The following RORA variants were observed in gnomAD, a reference collection of about 807,000 sequenced individuals.
RORA encodes RAR related orphan receptor A, also known as nuclear receptor ROR-alpha.
A neutral mutation model predicts 69.5 loss-of-function variants in RORA; 7 were observed. That is an observed-to-expected ratio of 0.10 (90% CI 0.06 to 0.19). RORA has a LOEUF of 0.19. Among genes scored for constraint, RORA ranks in the 10% least tolerant of loss-of-function variants. The pLI is 1.00. For synonymous variants in RORA, 261 were observed against 240.8 expected (o/e 1.08, Z -0.78); for missense variants, 457 against 663.0 (o/e 0.69, Z 3.41).
At chr15:60,923,586 T>TA (rs1892114282) in intron 1 of RORA, among the ~76,000 whole-genome samples, 1 of 152,222 alleles carries the variant, frequency 6.6e-6, no homozygotes, top group Non-Finnish European at 1.5e-5. Flanking sequence ...CAAGTCTTTT[T>TA]AAAAAAGGCA....
intron 1 of RORA, among the ~76,000 whole-genome samples, chr15:60,916,056 C>T (rs1286648228): frequency 6.6e-6 from 1 of 152,108 alleles, no homozygotes. Context: ...CTCAAATTGA[C>T]TGGAAGGAAA....
chr15:60,547,242 A>G (rs942065328), intron 2 of RORA, among the ~76,000 whole-genome samples: 27 of 152,110 alleles, frequency 1.8e-4, no homozygotes, highest in Admixed American at 1.8e-3. Flanking sequence ...CATTGCCCCA[A>G]ACTACTTGGA....
intron 1 of RORA, among the ~76,000 whole-genome samples, chr15:61,056,755 G>T (rs956997926): frequency 1.3e-5 from 2 of 152,160 alleles, no homozygotes; most frequent in Non-Finnish European, 2.9e-5. Flanking sequence ...AGAATAGACA[G>T]GGCCTATTTT....
chr15:60,898,524 T>TAAATAAATAAAC (rs1555461069), intron 1 of RORA, among the ~76,000 whole-genome samples: 29 of 150,318 alleles, frequency 1.9e-4, no homozygotes, highest in African/African-American at 6.4e-4. Flanking sequence ...AATAAATAAA[T>TAAATAAATAAAC]AAATAAATAA....
intron 1 of RORA, chr15:60,736,854 G>A (rs2071507625): frequency 1.3e-5 from 2 of 152,184 alleles, no homozygotes; most frequent in African/African-American, 4.8e-5. Flanking sequence ...TACTTCGATA[G>A]GAGAATAAAT....
intron 8 of RORA, among the ~76,000 whole-genome samples, chr15:60,501,312 C>T (rs934919692): frequency 6.6e-6 from 1 of 152,192 alleles, no homozygotes; most frequent in African/African-American, 2.4e-5. Context: ...ACTTCCATCA[C>T]ATCACCATTG....
At chr15:61,032,571 C>T (rs539398656) in intron 1 of RORA, among the ~76,000 whole-genome samples, 10 of 152,168 alleles carry the variant, frequency 6.6e-5, no homozygotes, top group South Asian at 2.1e-4. Context: ...TAATCACACA[C>T]CCAGGTTGGA....
intron 2 of RORA, among the ~76,000 whole-genome samples, chr15:60,533,468 AC>A (rs1274440095): frequency 3.6e-4 from 54 of 151,342 alleles, no homozygotes; most frequent in Non-Finnish European, 6.6e-4. Context: ...ACTTGGCTTG[AC>A]TTCTTCAAGA....
At chr15:60,842,383 G>A (rs62006786) in intron 1 of RORA, among the ~76,000 whole-genome samples, 1 of 151,928 alleles carries the variant, frequency 6.6e-6, no homozygotes, top group African/African-American at 2.4e-5. Flanking sequence ...CTAACTTACT[G>A]TTCAAAGCAT....
chr15:60,657,116 G>A (rs1452486872), intron 2 of RORA, among the ~76,000 whole-genome samples: 2 of 152,172 alleles, frequency 1.3e-5, no homozygotes, highest in African/African-American at 4.8e-5. Flanking sequence ...AATCTCCAGG[G>A]TTTCTTGAAC....
At chr15:60,934,634 C>A (rs1409735283) in intron 1 of RORA, among the ~76,000 whole-genome samples, 1 of 152,198 alleles carries the variant, frequency 6.6e-6, no homozygotes, top group Non-Finnish European at 1.5e-5. Flanking sequence ...GTCAATGAGT[C>A]ATCACACTGG....
At chr15:60,547,624 C>CTTTTTT (rs1425463024) in intron 2 of RORA, 2 of 66,942 alleles carry the variant, frequency 3.0e-5, no homozygotes, top group African/African-American at 9.9e-5. Context: ...CCATGACTGG[C>CTTTTTT]CTTTTTTTTT....
intron 2 of RORA, among the ~76,000 whole-genome samples, chr15:60,602,156 T>A (rs1350887378): frequency 1.3e-5 from 2 of 152,168 alleles, no homozygotes; most frequent in East Asian, 3.8e-4. Context: ...CCTTGAAATA[T>A]AACAGAGGTA....
chr15:60,916,443 T>A (rs8037126), intron 1 of RORA, among the ~76,000 whole-genome samples: 1 of 152,154 alleles, frequency 6.6e-6, no homozygotes, highest in Admixed American at 6.5e-5. Context: ...GCTGGAATAA[T>A]TAAACAGAGA....
At chr15:60,919,286 C>T (rs1891969916) in intron 1 of RORA, among the ~76,000 whole-genome samples, 1 of 152,194 alleles carries the variant, frequency 6.6e-6, no homozygotes, top group African/African-American at 2.4e-5. Context: ...GAAACTTTAG[C>T]TCTTAGAACT....
chr15:60,568,772 G>T (rs2067787509), intron 2 of RORA, among the ~76,000 whole-genome samples: 1 of 152,120 alleles, frequency 6.6e-6, no homozygotes. Context: ...CACTGTTGTT[G>T]TATTATCAAA....
chr15:60,552,260 G>A (rs572993948), intron 2 of RORA, among the ~76,000 whole-genome samples: 32 of 152,330 alleles, frequency 2.1e-4, no homozygotes, highest in Non-Finnish European at 4.1e-4. Context: ...GTGCACTGCA[G>A]TCATTTCAGA....
chr15:61,143,105 C>G (rs988757778), intron 1 of RORA, among the ~76,000 whole-genome samples: 5 of 151,988 alleles, frequency 3.3e-5, no homozygotes, highest in African/African-American at 1.2e-4. Flanking sequence ...AGAGGATCAA[C>G]TGAAAATGGA....
At chr15:60,505,744 G>T in intron 5 of RORA, 115 bp from the exon 6 acceptor site, 2 of 1,218,226 alleles carry the variant, frequency 1.6e-6, no homozygotes, top group Non-Finnish European at 2.3e-6. Context: ...TGCGAGTTTT[G>T]ACTGTCTTTA....
Sources: allele counts gnomAD v4.1 joint callset (sites outside exome capture counted in the v4.1 genomes callset), GRCh38; gene constraint gnomAD v4.1.1; transcripts MANE v1.5; gene names NCBI Gene and HGNC (gene_info 2026-07-23, HGNC 2026-07-21).